The following TTLL5 variants were observed in gnomAD, a reference collection of about 807,000 sequenced individuals.
TTLL5 encodes the protein tubulin polyglutamylase TTLL5.
Under a neutral mutation model 168.4 loss-of-function variants are expected in TTLL5, and 132 were observed. The observed-to-expected ratio is 0.78, with a 90% CI of 0.68 to 0.91. TTLL5 has a LOEUF of 0.91. Ranked by LOEUF, TTLL5 falls within the 40% of genes least tolerant of loss-of-function variation. The pLI is 0.00. For synonymous variants in TTLL5, 546 were observed against 558.6 expected, an observed-to-expected ratio of 0.98 and a Z score of 0.32; for missense variants, 1,545 against 1,581.5, an observed-to-expected ratio of 0.98 and a Z score of 0.39.
At chr14:75,845,128 G>A (rs771573490) in intron 28 of TTLL5, among the ~76,000 whole-genome samples, 5 of 152,166 alleles carry the variant, frequency 3.3e-5, no homozygotes, top group Non-Finnish European at 5.9e-5. Context: ...ATAGCCAGTT[G>A]TTCCCTTCTC....
intron 15 of TTLL5, among the ~76,000 whole-genome samples, chr14:75,743,696 C>A (rs564633739): frequency 4.0e-5 from 6 of 151,094 alleles, no homozygotes; most frequent in African/African-American, 1.5e-4. Flanking sequence ...ATTCTCCTGC[C>A]TCAGCCTCCC....
intron 31 of TTLL5, among the ~76,000 whole-genome samples, chr14:75,940,076 T>C (rs1432313860): frequency 9.1e-6 from 1 of 109,652 alleles, no homozygotes; most frequent in Non-Finnish European, 1.8e-5. Flanking sequence ...AGAAATTAAA[T>C]CTTTTTTTTT....
intron 6 of TTLL5, among the ~76,000 whole-genome samples, chr14:75,695,249 G>A (rs1029607011): frequency 6.6e-6 from 1 of 152,166 alleles, no homozygotes; most frequent in African/African-American, 2.4e-5. Context: ...ATAAGCCCTG[G>A]TCTCCCGTCG....
At chr14:75,854,038 G>A (rs957757600) in intron 28 of TTLL5, among the ~76,000 whole-genome samples, 12 of 150,828 alleles carry the variant, frequency 8.0e-5, no homozygotes, top group Non-Finnish European at 1.3e-4. Flanking sequence ...GCAAGACTCC[G>A]TCTCAAAAAA....
chr14:75,879,333 A>G (rs1024703944), intron 29 of TTLL5, among the ~76,000 whole-genome samples: 5 of 152,242 alleles, frequency 3.3e-5, no homozygotes, highest in South Asian at 4.1e-4. Context: ...AGTGAGTGTC[A>G]TAAGTCTGGA....
chr14:75,674,145 T>A (rs1192354042), intron 3 of TTLL5, among the ~76,000 whole-genome samples: 1 of 152,230 alleles, frequency 6.6e-6, no homozygotes, highest in Non-Finnish European at 1.5e-5. Flanking sequence ...AGTCTTTTTC[T>A]TTACACATTC....
chr14:75,773,152 A>G (rs1388304240), intron 21 of TTLL5, among the ~76,000 whole-genome samples: 2 of 152,358 alleles, frequency 1.3e-5, no homozygotes, highest in Non-Finnish European at 2.9e-5. Context: ...AAAACAACTT[A>G]TGAATTTAAA....
intron 29 of TTLL5, among the ~76,000 whole-genome samples, chr14:75,878,272 G>A (rs573635719): frequency 6.6e-6 from 1 of 152,308 alleles, no homozygotes; most frequent in Admixed American, 6.5e-5. Flanking sequence ...TAAGTTAAAA[G>A]GGTTTTTTTC....
At chr14:75,842,346 A>C (rs175896) in intron 28 of TTLL5, among the ~76,000 whole-genome samples, 28,675 of 152,058 alleles carry the variant, frequency 0.19, 2,983 homozygotes, top group East Asian at 0.4. Context: ...CCCTATCTTC[A>C]GATATATTAC....
rs769859133 is a variant in TTLL5 at position 75,757,859 on chromosome 14, G to A, written c.1550+4904G>A. ...AAACCCAAGAAGAAGCTTATTGACA[G>A]GAAGAACACGGTAATTGACTTTTAA... On this transcript the variant is annotated intron_variant, in intron 18 of 31. Coordinates refer to ENST00000298832, the MANE Select transcript of TTLL5 (RefSeq NM_015072.5). 4.4e-6 allele frequency: 7 copies of A among 1,591,332 alleles called. No individual in the cohort carries two copies. The African/African-American group carries it at 6.7e-5, about 15-fold the overall frequency.
chr14:75,883,504 G>A (rs909604186), intron 30 of TTLL5, among the ~76,000 whole-genome samples: 2 of 152,182 alleles, frequency 1.3e-5, no homozygotes, highest in African/African-American at 4.8e-5. Flanking sequence ...GAAGAGGCAC[G>A]CATTGCCTGC....
At chr14:75,759,314 C>A (rs1181631522) in intron 18 of TTLL5, among the ~76,000 whole-genome samples, 1 of 152,076 alleles carries the variant, frequency 6.6e-6, no homozygotes, top group Non-Finnish European at 1.5e-5. Flanking sequence ...AAGTTGGGGG[C>A]AACACCCAAA....
chr14:75,775,504 C>T lies in TTLL5; in HGVS notation c.2157C>T (p.Leu719=). 6.2e-7 allele frequency: 1 copy of T among 1,613,914 alleles called. No individual in the cohort carries two copies. The highest frequency in any genetic ancestry group is 8.5e-7 in the Non-Finnish European group (1 of 1,179,916). ...DEQMELVVRF[L]KRASNNLQHS... is the part of the protein sequence containing the mutation. ...TATAGGAGCTGGTTGTTCGTTTCCT[C>T]AAGCGAGCATCAAATAACCTCCAGC... The change falls in exon 22 of 32, where the codon CTC becomes CTT. Residue 719 remains leucine (L), a synonymous_variant. Transcript: ENST00000298832.
chr14:75,716,145 A>G (rs757704175), intron 9 of TTLL5, among the ~76,000 whole-genome samples: 4 of 152,152 alleles, frequency 2.6e-5, no homozygotes, highest in Admixed American at 6.5e-5. Context: ...TGGACAATCT[A>G]TTAGAGGAAG....
chr14:75,829,214 G>A (rs917069500), intron 28 of TTLL5, among the ~76,000 whole-genome samples: 4 of 152,166 alleles, frequency 2.6e-5, no homozygotes, highest in Non-Finnish European at 5.9e-5. Context: ...GGCTTGGATA[G>A]GCCAACAGGC....
chr14:75,736,216 TTCCTTTTCTTCTC>T (rs1257959216), intron 15 of TTLL5, among the ~76,000 whole-genome samples: 2 of 152,210 alleles, frequency 1.3e-5, no homozygotes, highest in East Asian at 3.9e-4. Flanking sequence ...CATTTTCTCT[TTCCTTTTCTTCTC>T]TCCTTTTATC....
At chr14:75,776,258 AC>A (rs2140318508) in intron 22 of TTLL5, among the ~76,000 whole-genome samples, 1 of 152,336 alleles carries the variant, frequency 6.6e-6, no homozygotes, top group African/African-American at 2.4e-5. Flanking sequence ...ATATCAGTGC[AC>A]CAAACTCATA....
At chr14:75,903,092 A>G (rs1475722633) in intron 31 of TTLL5, among the ~76,000 whole-genome samples, 1 of 152,222 alleles carries the variant, frequency 6.6e-6, no homozygotes, top group African/African-American at 2.4e-5. Context: ...TGTTCACTGA[A>G]CAGGCACATA....
Position 75,864,945 on chromosome 14 carries a change from C to A in TTLL5, c.3522+1083C>A. On this transcript the variant is annotated intron_variant, in intron 29 of 31. Transcript: ENST00000298832. ...TCAACTACCACCCATAATAAAATGT[C>A]ATTTTATTATTTCAACATAGTTCAT... 1.3e-5 allele frequency among the ~76,000 whole-genome samples: 2 copies of A among 152,056 alleles called. 1 individual carries two copies.
Sources: allele counts gnomAD v4.1 joint callset (sites outside exome capture counted in the v4.1 genomes callset), GRCh38; gene constraint gnomAD v4.1.1; transcripts MANE v1.5; gene names NCBI Gene and HGNC (gene_info 2026-07-23, HGNC 2026-07-21).